NEBL: variants seen among roughly 807,000 people sequenced by gnomAD.
NEBL encodes nebulette.
A neutral mutation model predicts 140.2 loss-of-function variants in NEBL; 122 were observed. The ratio of observed to expected loss-of-function variants is 0.87; its 90% CI spans 0.75 to 1.01. NEBL has a LOEUF of 1.01. Ranked by LOEUF, NEBL falls within the 50% of genes least tolerant of loss-of-function variation. The pLI is 0.00. For missense variants in NEBL, 1,365 were observed against 1,231.3 expected, an observed-to-expected ratio of 1.11 and a Z score of -1.62; for synonymous variants, 436 against 398.9, an observed-to-expected ratio of 1.09 and a Z score of -1.11.
chr10:21,033,999 C>G (rs1207921405), intron 2 of NEBL, among the ~76,000 whole-genome samples: 1 of 151,042 alleles, frequency 6.6e-6, no homozygotes, highest in African/African-American at 2.4e-5. Context: ...AAACTCATCT[C>G]TACAAAAAAA....
chr10:21,057,254 C>T (rs968593352), intron 2 of NEBL, among the ~76,000 whole-genome samples: 6 of 151,720 alleles, frequency 4.0e-5, no homozygotes, highest in Non-Finnish European at 8.8e-5. Flanking sequence ...AACAGTCTCC[C>T]GGGAAGGGTT....
At chr10:20,866,342 G>A (rs1227634173) in intron 7 of NEBL, among the ~76,000 whole-genome samples, 1 of 151,862 alleles carries the variant, frequency 6.6e-6, no homozygotes, top group Admixed American at 6.6e-5. Context: ...CCACTGAACC[G>A]CACACTTAAA....
At chr10:21,237,256 G>C (rs1418653364) in intron 3 of NEBL, among the ~76,000 whole-genome samples, 1 of 152,248 alleles carries the variant, frequency 6.6e-6, no homozygotes, top group Non-Finnish European at 1.5e-5. Context: ...CCAGGCTGGA[G>C]TGCAGTAGCG....
At chr10:20,942,484 C>T (rs1250816405) in intron 4 of NEBL, among the ~76,000 whole-genome samples, 5 of 152,148 alleles carry the variant, frequency 3.3e-5, no homozygotes, top group Non-Finnish European at 4.4e-5. Flanking sequence ...ACCATAAAAA[C>T]CCTAGAAGAA....
rs146673676 is a variant in NEBL, at chr10:20,808,547, T to C, written c.2724A>G (p.Ser908=). Residue 908 remains serine (S), a synonymous_variant, in exon 26 of 28, where the codon TCA becomes TCG. Coordinates refer to ENST00000377122, the MANE Select transcript of NEBL (RefSeq NM_006393.3). ...ACGGTCTTGTTACCTCACTGCAGCA[T>C]GAAAAGCTAGGGTAAATCTCGGAGA... ...SEISEIYPSF[S]CCSEVTRPSD... is the part of the protein sequence containing the mutation. 6.2e-7 allele frequency: 1 copy of C among 1,613,976 alleles called. No individual in the cohort carries two copies.
rs553350195 is a variant in NEBL, at chr10:20,782,194, C to G, written c.*3553G>C. 6.6e-6 allele frequency: 1 copy of G among 152,516 alleles called. No homozygotes were observed. 9.4% of individuals were successfully genotyped at this position (152,516 alleles called of 1,614,324 possible). A position where few individuals can be genotyped will look rare whatever the true frequency, so the allele number is the denominator to read the frequency against. On this transcript the variant is annotated 3_prime_UTR_variant, in exon 28 of 28. Coordinates refer to ENST00000377122, the MANE Select transcript of NEBL (RefSeq NM_006393.3). ...TCCCACTTCCCTACCACAAAAATATCAATCATGTGTAATAAAATATTACTA... is the reference window on the plus strand; with the variant it reads ...TCCCACTTCCCTACCACAAAAATATGAATCATGTGTAATAAAATATTACTA...
chr10:21,168,493 C>T (rs547966486), intron 2 of NEBL, among the ~76,000 whole-genome samples: 1 of 152,028 alleles, frequency 6.6e-6, no homozygotes, highest in South Asian at 2.1e-4. Context: ...ATTTTCATAA[C>T]AGCTAAATGT....
intron 2 of NEBL, among the ~76,000 whole-genome samples, chr10:21,027,502 AT>A (rs146819997): frequency 6.6e-6 from 1 of 151,436 alleles, no homozygotes; most frequent in Non-Finnish European, 1.5e-5. Flanking sequence ...TAATTTTTGT[AT>A]TTTTTTGTTG....
At chr10:21,106,109 T>C (rs1837706148) in intron 2 of NEBL, among the ~76,000 whole-genome samples, 1 of 152,068 alleles carries the variant, frequency 6.6e-6, no homozygotes, top group Admixed American at 6.6e-5. Context: ...ATGGGCAGAT[T>C]GCAAAGATTT....
intron 2 of NEBL, among the ~76,000 whole-genome samples, chr10:21,249,801 C>T (rs1384253099): frequency 6.6e-6 from 1 of 152,066 alleles, no homozygotes; most frequent in Non-Finnish European, 1.5e-5. Flanking sequence ...CAGTGGCTCA[C>T]ACCTGCAATC....
At chr10:21,268,087 G>A (rs1236846600) in intron 1 of NEBL, among the ~76,000 whole-genome samples, 2 of 152,144 alleles carry the variant, frequency 1.3e-5, no homozygotes, top group Non-Finnish European at 2.9e-5. Flanking sequence ...CTTGGTCTTA[G>A]ACCAACCAGG....
At chr10:20,937,205 C>T (rs1834536608) in intron 4 of NEBL, among the ~76,000 whole-genome samples, 2 of 152,048 alleles carry the variant, frequency 1.3e-5, no homozygotes, top group South Asian at 2.1e-4. Context: ...CTTAAAGACC[C>T]AAAAGGAAAG....
Position 20,787,240 on chromosome 10 carries a change from C to T in NEBL, c.2830G>A (p.Val944Met), listed in dbSNP as rs1015724447. Reference sequence around the variant, plus strand: ...TGCTGCATTGATCTCATGGATGACACACTGGTCTGGTGCATGTAGCCATAG... The same window carrying T: ...TGCTGCATTGATCTCATGGATGACATACTGGTCTGGTGCATGTAGCCATAG... ...QGYGYMHQTSVSSMRSMQHSP... is the reference protein window; with the variant it reads ...QGYGYMHQTSMSSMRSMQHSP... Residue 944 changes from valine to methionine, a missense_variant, in exon 27 of 28, where the codon GTG becomes ATG. Around this residue, in one of 2 missense-constraint regions of NEBL, gnomAD observed 1,323 missense variants for 1,154.8 expected, o/e 1.15. Transcript: ENST00000377122. 3 of 1,613,406 alleles carry T rather than the reference C, an allele frequency of 1.9e-6. No homozygotes were observed. The Admixed American group carries it at 5.0e-5, about 27-fold the overall frequency.
At chr10:21,157,989 C>T (rs1170781706) in intron 2 of NEBL, among the ~76,000 whole-genome samples, 1 of 152,168 alleles carries the variant, frequency 6.6e-6, no homozygotes, top group East Asian at 1.9e-4. Context: ...AGAGTCTTCC[C>T]TCACAGGCCC....
chr10:20,981,728 C>T lies in NEBL; in HGVS notation c.250-19949G>A, dbSNP rs74120585. Among the ~76,000 whole-genome samples, 438 of 152,286 alleles carry T rather than the reference C, an allele frequency of 2.9e-3. 4 individuals carry two copies. Among genetic ancestry groups the T allele is most frequent in the African/African-American group, 9.9e-3 (412 of 41,560 alleles). ...AGGGGCCTCTCTTCCACTGGACTGA[C>T]AGCTACAAGGATGTAGGCTGAAGGT... is the stretch of plus-strand genomic sequence containing the variant. On this transcript the variant is annotated intron_variant, in intron 3 of 6. Transcript: ENST00000417816.
chr10:20,840,543 C>T (rs747956246), intron 13 of NEBL, among the ~76,000 whole-genome samples, 196 bp downstream of exon 13: 11 of 151,982 alleles, frequency 7.2e-5, no homozygotes, highest in East Asian at 1.9e-4. Flanking sequence ...AGTGGGGAAA[C>T]GGCCATTTTT....
At chr10:20,938,813 C>T (rs571260396) in intron 4 of NEBL, among the ~76,000 whole-genome samples, 75 of 152,162 alleles carry the variant, frequency 4.9e-4, no homozygotes, top group Non-Finnish European at 9.3e-4. Context: ...GTAGCCGATG[C>T]GATCAACTGG....
chr10:21,197,654 T>C (rs1050524073), intron 3 of NEBL, among the ~76,000 whole-genome samples: 13 of 152,180 alleles, frequency 8.5e-5, no homozygotes, highest in Non-Finnish European at 1.8e-4. Flanking sequence ...TCATAACTCT[T>C]TGGGGACCAT....
chr10:21,096,528 T>TGTGTGTGTG (rs1589229988), intron 2 of NEBL, among the ~76,000 whole-genome samples: 2 of 148,508 alleles, frequency 1.3e-5, no homozygotes, highest in African/African-American at 5.1e-5. Context: ...TGTGTGTGTG[T>TGTGTGTGTG]TTTGAGACAG....
Sources: gnomAD v4.1 joint callset for allele counts (sites outside exome capture counted in the v4.1 genomes callset) on GRCh38, gnomAD v4.1.1 for gene constraint, gnomAD v4.1.1 regional missense constraint, MANE v1.5 for transcripts, NCBI Gene and HGNC (gene_info 2026-07-23, HGNC 2026-07-21) for gene names.